MALRD1: variants seen among roughly 807,000 people sequenced by gnomAD.
MALRD1 encodes the protein MAM and LDL receptor class A domain containing 1.
MALRD1 carries 247 observed loss-of-function variants against 242.1 expected under a neutral mutation model. The ratio of observed to expected loss-of-function variants is 1.02; its 90% CI spans 0.92 to 1.13. The LOEUF is 1.13. Among genes scored for constraint, MALRD1 ranks in the 50% most tolerant of loss-of-function variants. MALRD1 has a pLI of 0.00. For missense variants in MALRD1, 2,989 were observed against 2,533.1 expected (o/e 1.18, Z -3.86); for synonymous variants, 995 against 866.6 (o/e 1.15, Z -2.60).
At chr10:19,094,546 C>T (rs951858035) in intron 4 of MALRD1, among the ~76,000 whole-genome samples, 6 of 151,586 alleles carry the variant, frequency 4.0e-5, no homozygotes, top group Admixed American at 2.0e-4. Flanking sequence ...AGAAATCACC[C>T]GTCTTCTGCG....
intron 28 of MALRD1, among the ~76,000 whole-genome samples, chr10:19,389,941 C>T (rs1846266768): frequency 6.6e-6 from 1 of 152,158 alleles, no homozygotes; most frequent in South Asian, 2.1e-4. Flanking sequence ...GGACTACATG[C>T]ATGAGCCACC....
chr10:19,581,552 T>A (rs1329911482), intron 33 of MALRD1, among the ~76,000 whole-genome samples: 6 of 150,406 alleles, frequency 4.0e-5, no homozygotes, highest in Non-Finnish European at 7.4e-5. Context: ...CATGAACTCA[T>A]CATTTTTTAT....
At chr10:19,540,433 C>T (rs1388053794) in intron 32 of MALRD1, among the ~76,000 whole-genome samples, 1 of 152,094 alleles carries the variant, frequency 6.6e-6, no homozygotes, top group Non-Finnish European at 1.5e-5. Context: ...ATGATTCTCA[C>T]AACCCATAAT....
chr10:19,475,047 A>G (rs979186827), intron 29 of MALRD1, among the ~76,000 whole-genome samples: 1 of 152,236 alleles, frequency 6.6e-6, no homozygotes, highest in African/African-American at 2.4e-5. Flanking sequence ...GCTCAGAAAG[A>G]TTTGTTAAAT....
intron 24 of MALRD1, among the ~76,000 whole-genome samples, chr10:19,333,635 A>T (rs886106013): frequency 2.0e-5 from 3 of 152,090 alleles, no homozygotes; most frequent in Non-Finnish European, 2.9e-5. Context: ...TTTGGGAAAA[A>T]GATCTATTTT....
Position 19,655,528 on chromosome 10 carries a change from GTGTATATATA to G in MALRD1, c.6138-36752_6138-36743del, listed in dbSNP as rs1297990313. Reference sequence around the variant, plus strand: ...TGTGTGTGTACATATATATGTGTGAGTGTATATATATATATATATATATATATATATATAT... The same window carrying G: ...TGTGTGTGTACATATATATGTGTGAGTATATATATATATATATATATATAT... On this transcript the variant is annotated intron_variant, in intron 36 of 39. Coordinates refer to ENST00000454679, the MANE Select transcript of MALRD1 (RefSeq NM_001142308.3). Among the ~76,000 whole-genome samples the G allele has an allele frequency of 2.4e-3, 244 of 102,940 alleles. 3 individuals are homozygous for G. Among genetic ancestry groups the G allele is most frequent in the African/African-American group, 8.5e-3 (237 of 27,802 alleles). The allele number at this position is 102,940 out of a possible 152,430, so 67.5% of individuals were successfully genotyped here. A position where few individuals can be genotyped will look rare whatever the true frequency, so the allele number is the denominator to read the frequency against.
intron 1 of MALRD1, among the ~76,000 whole-genome samples, chr10:19,055,713 T>G (rs890068427): frequency 6.6e-6 from 1 of 152,310 alleles, no homozygotes; most frequent in East Asian, 1.9e-4. Context: ...CAATTGACCA[T>G]CAATGTGTGG....
chr10:19,464,948 ATTT>A (rs60320410), intron 29 of MALRD1, among the ~76,000 whole-genome samples: 23 of 133,804 alleles, frequency 1.7e-4, no homozygotes, highest in East Asian at 1.1e-3. Context: ...TATAATTCCA[ATTT>A]TTTTTTTTTT....
At chr10:19,317,781 A>T (rs1338632017) in intron 21 of MALRD1, among the ~76,000 whole-genome samples, 2 of 152,062 alleles carry the variant, frequency 1.3e-5, no homozygotes, top group African/African-American at 4.8e-5. Flanking sequence ...TGATAGTAAG[A>T]GTTTAGAAAC....
chr10:19,355,845 A>T (rs11009594), intron 26 of MALRD1, among the ~76,000 whole-genome samples: 1,906 of 23,270 alleles, frequency 0.082, 210 homozygotes, highest in East Asian at 0.34. Context: ...AACATATATT[A>T]TATATATATA....
intron 34 of MALRD1, among the ~76,000 whole-genome samples, chr10:19,599,322 CCTGTGAGTTCA>C (rs1838245493): frequency 6.6e-6 from 1 of 151,832 alleles, no homozygotes; most frequent in Non-Finnish European, 1.5e-5. Context: ...TTTAGATAAA[CCTGTGAGTTCA>C]ACGTTTAAGA....
chr10:19,139,657 A>G (rs1447572356), intron 10 of MALRD1, among the ~76,000 whole-genome samples: 1 of 152,138 alleles, frequency 6.6e-6, no homozygotes, highest in East Asian at 1.9e-4. Context: ...TATTATTTTA[A>G]TATATGGCAT....
At chr10:19,166,486 G>C (rs1336226587) in intron 13 of MALRD1, among the ~76,000 whole-genome samples, 1 of 152,114 alleles carries the variant, frequency 6.6e-6, no homozygotes, top group East Asian at 1.9e-4. Context: ...TAGTTAGTTA[G>C]ATAGAAGAAA....
At chr10:19,073,060 ATGTGCCAC>A (rs1490060282) in intron 2 of MALRD1, among the ~76,000 whole-genome samples, 1 of 150,438 alleles carries the variant, frequency 6.6e-6, no homozygotes. Flanking sequence ...GATTACAGGC[ATGTGCCAC>A]CATGCCCGGC....
At position 19,128,325 on chromosome 10, in the gene MALRD1, C is replaced by T. The variant is rs913192452; in HGVS notation, c.1048C>T (p.His350Tyr). ...GTGTCATTGCCTGGGCAAGAGCTGT[C>T]ATCTTCAATTCTATTATGCAATGGA... ...SVCHCLGKSCHLQFYYAMESS... is the reference protein window; with the variant it reads ...SVCHCLGKSCYLQFYYAMESS... Residue 350 changes from histidine to tyrosine, a missense_variant, in exon 8 of 40, where the codon CAT becomes TAT. Coordinates refer to ENST00000454679, the MANE Select transcript of MALRD1 (RefSeq NM_001142308.3). 1 of 1,233,306 alleles carries T rather than the reference C, an allele frequency of 8.1e-7. No homozygotes were observed. Among genetic ancestry groups the T allele is most frequent in the African/African-American group, 1.6e-5 (1 of 64,468 alleles). The allele number at this position is 1,233,306 out of a possible 1,614,324, so 76.4% of individuals were successfully genotyped here.
chr10:19,127,930 G>A (rs1837333384), intron 7 of MALRD1, among the ~76,000 whole-genome samples: 1 of 152,058 alleles, frequency 6.6e-6, no homozygotes, highest in Non-Finnish European at 1.5e-5. Context: ...TGGTGGTATA[G>A]CAATTTGTAT....
chr10:19,696,825 A>G (rs1286306778), intron 38 of MALRD1, among the ~76,000 whole-genome samples: 1 of 152,082 alleles, frequency 6.6e-6, no homozygotes, highest in Non-Finnish European at 1.5e-5. Context: ...GTGAGACAGG[A>G]GAATCATTTG....
chr10:19,657,813 T>C (rs1353598682), intron 36 of MALRD1, among the ~76,000 whole-genome samples: 1 of 152,114 alleles, frequency 6.6e-6, no homozygotes, highest in African/African-American at 2.4e-5. Flanking sequence ...AATCAAACAA[T>C]ATAGATTATA....
intron 4 of MALRD1, among the ~76,000 whole-genome samples, chr10:19,096,153 A>G (rs909679555): frequency 2.0e-5 from 3 of 152,180 alleles, no homozygotes. Flanking sequence ...AACTTGCTAT[A>G]TCTTGTAGGT....
Sources: allele counts gnomAD v4.1 joint callset (sites outside exome capture counted in the v4.1 genomes callset), GRCh38; gene constraint gnomAD v4.1.1; transcripts MANE v1.5; gene names NCBI Gene and HGNC (gene_info 2026-07-23, HGNC 2026-07-21).